Variants in NEU4 observed in about 807,000 individuals in gnomAD.
NEU4 encodes neuraminidase 4, also known as sialidase-4.
NEU4 carries 7 observed loss-of-function variants against 9.9 expected under a neutral mutation model. That is an observed-to-expected ratio of 0.71 (90% CI 0.40 to 1.33). The LOEUF (loss-of-function observed/expected upper bound fraction) is 1.33. Ranked by LOEUF, NEU4 falls within the 40% of genes most tolerant of loss-of-function variation. NEU4 has a pLI of 0.01. For synonymous variants in NEU4, 348 were observed against 316.9 expected, an observed-to-expected ratio of 1.10 and a Z score of -1.04; for missense variants, 717 against 712.6, an observed-to-expected ratio of 1.01 and a Z score of -0.07.
At chr2:241,811,431 G>C (rs760264968) in intron 1 of NEU4, 11 of 1,567,044 alleles carry the variant, frequency 7.0e-6, no homozygotes, top group Admixed American at 1.8e-5. Context: ...AGCCACCCAT[G>C]ATGAGCTCTG....
In NEU4 at chr2:241,816,699, C is replaced by A; in HGVS notation, c.1106C>A (p.Ala369Asp). ...SWTLALPMPFAAPPQSPTWLL... is the reference protein window; with the variant it reads ...SWTLALPMPFDAPPQSPTWLL... ...ACCCTGGCACTCCCCATGCCCTTTGCTGCCCCGCCCCAGAGCCCCACGTGG... is the reference window on the plus strand; with the variant it reads ...ACCCTGGCACTCCCCATGCCCTTTGATGCCCCGCCCCAGAGCCCCACGTGG... The change falls in exon 4 of 4, where the codon GCT (alanine) becomes GAT (aspartate). Residue 369 changes from alanine (A) to aspartate (D), a missense_variant. Transcript: ENST00000407683. 1.3e-6 allele frequency: 2 copies of A among 1,531,440 alleles called. No individual in the cohort carries two copies. Among genetic ancestry groups the A allele is most frequent in the Non-Finnish European group, 1.8e-6 (2 of 1,141,650 alleles). The allele number at this position is 1,531,440 out of a possible 1,614,324, so 94.9% of individuals were successfully genotyped here.
At chr2:241,813,670 G>A in intron 1 of NEU4, 1 of 582,834 alleles carries the variant, frequency 1.7e-6, no homozygotes, top group Non-Finnish European at 3.0e-6. Flanking sequence ...CGCTTCTCAG[G>A]TCAGGGCCCT....
At chr2:241,815,171 G>A (rs1274211816) in intron 3 of NEU4, 24 bp downstream of exon 3, 1 of 1,512,480 alleles carries the variant, frequency 6.6e-7, no homozygotes, top group East Asian at 2.3e-5. Context: ...GTGCCGGTCT[G>A]GGTCCCTTTG....
Position 241,817,084 on chromosome 2 carries a change from C to T in NEU4, c.*36C>T. ...GGCCGTGCCCATGCCCCTTGGGTGCCTGGGGCAGAGGGGTGGAATACGTTG... is the reference window on the plus strand; with the variant it reads ...GGCCGTGCCCATGCCCCTTGGGTGCTTGGGGCAGAGGGGTGGAATACGTTG... On this transcript the variant is annotated 3_prime_UTR_variant, in exon 4 of 4. Transcript: ENST00000407683. 6.6e-7 allele frequency: 1 copy of T among 1,518,858 alleles called. No individual in the cohort carries two copies. Among genetic ancestry groups the T allele is most frequent in the Non-Finnish European group, 8.8e-7 (1 of 1,137,030 alleles). 94.1% of individuals were successfully genotyped at this position (1,518,858 alleles called of 1,614,324 possible). A position where few individuals can be genotyped will look rare whatever the true frequency, so the allele number is the denominator to read the frequency against.
At chr2:241,809,537 G>C (rs1310784778) in intron 1 of NEU4, among the ~76,000 whole-genome samples, 1 of 152,206 alleles carries the variant, frequency 6.6e-6, no homozygotes, top group Non-Finnish European at 1.5e-5. Flanking sequence ...AGACGGTTAA[G>C]GAAAGCTTCC....
chr2:241,815,141 G>C lies in NEU4; in HGVS notation c.451G>C (p.Val151Leu). 6.4e-7 allele frequency: 1 copy of C among 1,555,316 alleles called. No homozygotes were observed. The highest frequency in any genetic ancestry group is 8.7e-7 in the Non-Finnish European group (1 of 1,152,572). ...CACCGAGGAGGCCATCGGTGGTGCC[G>C]TGCAGGGTAGGCGGGCAGGGTGCCG... The part of the protein sequence containing the change: ...DLTEEAIGGA[V>L]QDWATFAVGP... Residue 151 changes from valine to leucine, a missense_variant, in exon 3 of 4, where the codon GTG (valine) becomes CTG (leucine). Coordinates refer to ENST00000407683, the MANE Select transcript of NEU4 (RefSeq NM_001167600.3).
intron 1 of NEU4, among the ~76,000 whole-genome samples, chr2:241,812,333 C>T (rs373074475): frequency 2.0e-5 from 3 of 152,214 alleles, no homozygotes; most frequent in African/African-American, 7.2e-5. Context: ...GTTTCCCCTT[C>T]TGTGACTCCA....
At position 241,817,144 on chromosome 2, in the gene NEU4, G is replaced by A; in HGVS notation, c.*96G>A. ...ACGATAGCTGTGGGGGGGGCTCTTA[G>A]TGCAGGATCCTGTGGATTAGAAACA... On this transcript the variant is annotated 3_prime_UTR_variant, in exon 4 of 4. Coordinates refer to ENST00000407683, the MANE Select transcript of NEU4 (RefSeq NM_001167600.3). The A allele has an allele frequency of 7.6e-7, 1 of 1,317,666 alleles. No homozygotes were observed. Among genetic ancestry groups the A allele is most frequent in the South Asian group, 1.5e-5 (1 of 65,632 alleles). The allele number at this position is 1,317,666 out of a possible 1,614,324, so 81.6% of individuals were successfully genotyped here.
chr2:241,814,815 C>T lies in NEU4; in HGVS notation c.202-77C>T, dbSNP rs1008316389. The T allele has an allele frequency of 1.1e-4, 174 of 1,548,124 alleles. No homozygotes were observed. The Admixed American group carries it at 1.9e-3, about 17-fold the overall frequency. ...GTAGAGATGAGCAAACCAGGCTCAG[C>T]GATCCTGGGTGCCCTGCGGGGGGCT... is the stretch of plus-strand genomic sequence containing the variant. On this transcript the variant is annotated intron_variant, in intron 2 of 3. Coordinates refer to ENST00000407683, the MANE Select transcript of NEU4 (RefSeq NM_001167600.3).
chr2:241,809,550 C>T (rs868524376), intron 1 of NEU4: 15 of 331,584 alleles, frequency 4.5e-5, no homozygotes, highest in Middle Eastern at 2.2e-3. Context: ...AAGCTTCCCC[C>T]GGGTGGCTTT....
Position 241,816,966 on chromosome 2 carries a change from G to A in NEU4, c.1373G>A (p.Arg458His), listed in dbSNP as rs2293762. ...ATTTCCTTTTGTACATTCTCCCTGC[G>A]TGAGGTCCTGGAGAACGTGCCCGCC... The part of the protein sequence containing the change: ...DEISFCTFSL[R>H]EVLENVPASP... The change falls in exon 4 of 4, where the codon CGT becomes CAT. Residue 458 changes from arginine (R) to histidine (H), a missense_variant. Coordinates refer to ENST00000407683, the MANE Select transcript of NEU4 (RefSeq NM_001167600.3). 1.8e-5 allele frequency: 29 copies of A among 1,612,402 alleles called. No individual in the cohort carries two copies. In the East Asian group the frequency reaches 4.5e-4, roughly 25 times the overall value.
intron 1 of NEU4, chr2:241,811,295 G>T: frequency 7.7e-7 from 1 of 1,304,700 alleles, no homozygotes. Flanking sequence ...GCCCTGCTCT[G>T]GGCTTCAGTG....
At chr2:241,815,728 G>A in intron 3 of NEU4, 2 of 562,190 alleles carry the variant, frequency 3.6e-6, no homozygotes, top group Non-Finnish European at 6.5e-6. Flanking sequence ...ACAGCAGGGA[G>A]TGCAGCAGAC....
In NEU4 at chr2:241,813,753, C is replaced by CCAAG. The variant is rs577994959; in HGVS notation, c.-3-726_-3-723dup. The CCAAG allele has an allele frequency of 1.2e-3, 425 of 348,350 alleles. 6 individuals carry two copies. The highest frequency in any genetic ancestry group is 8.9e-3 in the African/African-American group (394 of 44,518). 21.6% of individuals were successfully genotyped at this position (348,350 alleles called of 1,614,324 possible). ...CTGCCTGCAGGCAGGGGTCTGATCA[C>CCAAG]CAAGCACCTGTCCCCTGCAGGATCC... is the stretch of plus-strand genomic sequence containing the variant. On this transcript the variant is annotated intron_variant, in intron 1 of 3. Coordinates refer to ENST00000407683, the MANE Select transcript of NEU4 (RefSeq NM_001167600.3).
chr2:241,813,208 GTC>G (rs1266747922), intron 1 of NEU4: 1 of 483,438 alleles, frequency 2.1e-6, no homozygotes, highest in African/African-American at 2.1e-5. Context: ...CTTTACCCGG[GTC>G]TCTGTCAGTG....
Position 241,817,168 on chromosome 2 carries a change from C to G in NEU4, c.*120C>G. ...AGTGCAGGATCCTGTGGATTAGAAA[C>G]AAGTTGCTCCTCAGAGCTCTCAAGC... On this transcript the variant is annotated 3_prime_UTR_variant, in exon 4 of 4. Coordinates refer to ENST00000407683, the MANE Select transcript of NEU4 (RefSeq NM_001167600.3). 1 of 1,099,726 alleles carries G rather than the reference C, an allele frequency of 9.1e-7. No individual in the cohort carries two copies. Among genetic ancestry groups the G allele is most frequent in the Non-Finnish European group, 1.2e-6 (1 of 802,894 alleles). The allele number at this position is 1,099,726 out of a possible 1,614,324, so 68.1% of individuals were successfully genotyped here.
In NEU4 at chr2:241,814,679, C is replaced by T. The variant is rs202101402; in HGVS notation, c.195C>T (p.Ser65=). The T allele has an allele frequency of 3.7e-5, 58 of 1,550,374 alleles. No homozygotes were observed. The highest frequency in any genetic ancestry group is 4.8e-5 in the East Asian group (2 of 41,334). Residue 65 remains serine, a synonymous_variant, in exon 2 of 4, where the codon TCC becomes TCT. Coordinates refer to ENST00000407683, the MANE Select transcript of NEU4 (RefSeq NM_001167600.3). ...GGAGGGGCACGCTGGCCGGGGGCTC[C>T]GTGCGGGTGAGTGAGTGGCCGGGGG... ...VLRRGTLAGG[S]VRWGALHVLG...
chr2:241,810,854 C>T (rs1700092296), intron 1 of NEU4: 1 of 842,284 alleles, frequency 1.2e-6, no homozygotes, highest in Non-Finnish European at 1.4e-6. Flanking sequence ...GGCAGGCCAG[C>T]GTGAATGGGA....
At chr2:241,814,114 G>A in intron 1 of NEU4, 1 of 574,260 alleles carries the variant, frequency 1.7e-6, no homozygotes. Context: ...GCGAATTCTG[G>A]GATGACCCTG....
Sources: allele counts gnomAD v4.1 joint callset (sites outside exome capture counted in the v4.1 genomes callset), GRCh38; gene constraint gnomAD v4.1.1; transcripts MANE v1.5; gene names NCBI Gene and HGNC (gene_info 2026-07-23, HGNC 2026-07-21).